The following PACSIN2 variants were observed in gnomAD, a reference collection of about 807,000 sequenced individuals.
The protein encoded by PACSIN2 is protein kinase C and casein kinase substrate in neurons protein 2.
Under a neutral mutation model 63.8 loss-of-function variants are expected in PACSIN2, and 25 were observed. The observed-to-expected ratio is 0.39, with a 90% CI of 0.29 to 0.55. The LOEUF is 0.55. Ranked by LOEUF, PACSIN2 falls within the 20% of genes least tolerant of loss-of-function variation. The pLI is 0.62. For missense variants in PACSIN2, 518 were observed against 646.9 expected (o/e 0.80, Z 2.16); for synonymous variants, 255 against 256.2 (o/e 1.00, Z 0.05).
intron 2 of PACSIN2, among the ~76,000 whole-genome samples, chr22:42,899,246 A>ATAC (rs1930502900): frequency 6.6e-6 from 1 of 152,188 alleles, no homozygotes; most frequent in African/African-American, 2.4e-5. Context: ...ATGAACGCGA[A>ATAC]TACCTTTGTG....
chr22:42,994,567 A>G (rs1354146749), intron 1 of PACSIN2, among the ~76,000 whole-genome samples: 1 of 152,226 alleles, frequency 6.6e-6, no homozygotes, highest in Non-Finnish European at 1.5e-5. Context: ...AGGACACGCC[A>G]GGGAGGCGGC....
At chr22:43,007,443 T>C (rs919187951) in intron 1 of PACSIN2, among the ~76,000 whole-genome samples, 2 of 152,176 alleles carry the variant, frequency 1.3e-5, no homozygotes, top group Non-Finnish European at 2.9e-5. Context: ...CTCAAACTCC[T>C]GGCCTCAAGT....
intron 1 of PACSIN2, among the ~76,000 whole-genome samples, chr22:42,926,107 G>T (rs1223942881): frequency 6.6e-6 from 1 of 152,218 alleles, no homozygotes; most frequent in Non-Finnish European, 1.5e-5. Flanking sequence ...TGTTTCCAGT[G>T]ATTTCATCTG....
At chr22:42,943,325 C>T (rs146069723) in intron 1 of PACSIN2, among the ~76,000 whole-genome samples, 1,672 of 152,126 alleles carry the variant, frequency 0.011, 10 homozygotes, top group Non-Finnish European at 0.016. Flanking sequence ...AAGATCATGC[C>T]ATCTTTGAAC....
chr22:42,894,597 C>T (rs1930148932), intron 2 of PACSIN2, among the ~76,000 whole-genome samples: 1 of 152,162 alleles, frequency 6.6e-6, no homozygotes, highest in Non-Finnish European at 1.5e-5. Flanking sequence ...AAAGCTTTGT[C>T]AGGGCTAAGC....
At chr22:42,996,299 C>T (rs1287299087) in intron 1 of PACSIN2, among the ~76,000 whole-genome samples, 1 of 151,862 alleles carries the variant, frequency 6.6e-6, no homozygotes, top group Non-Finnish European at 1.5e-5. Flanking sequence ...TTTGGGAGGC[C>T]AAGATGGGTG....
intron 1 of PACSIN2, among the ~76,000 whole-genome samples, chr22:43,001,646 T>G (rs978147392): frequency 6.6e-6 from 1 of 152,250 alleles, no homozygotes; most frequent in Admixed American, 6.5e-5. Context: ...TTTCCTCTTA[T>G]GTCTACCTTC....
At chr22:42,926,257 T>G (rs1370551863) in intron 1 of PACSIN2, among the ~76,000 whole-genome samples, 1 of 152,196 alleles carries the variant, frequency 6.6e-6, no homozygotes, top group African/African-American at 2.4e-5. Context: ...GCTTAAAGGC[T>G]GGCCCCTCCC....
intron 3 of PACSIN2, among the ~76,000 whole-genome samples, chr22:42,893,234 G>A (rs575071858): frequency 6.6e-6 from 1 of 152,246 alleles, no homozygotes; most frequent in East Asian, 1.9e-4. Context: ...ATAGTCCTGT[G>A]TCCCCAAGGA....
In PACSIN2 at chr22:42,982,878, A is replaced by AAAAAC. The variant is rs1555943629; in HGVS notation, c.-78+32142_-78+32143insGTTTT. Among the ~76,000 whole-genome samples, 21 of 132,462 alleles carry AAAAAC rather than the reference A, an allele frequency of 1.6e-4. 1 individual carries two copies. The East Asian group carries it at 4.3e-3, about 27-fold the overall frequency. 86.9% of individuals were successfully genotyped at this position (132,462 alleles called of 152,430 possible). On this transcript the variant is annotated intron_variant, in intron 1 of 10. Transcript: ENST00000263246. The stretch of plus-strand genomic sequence containing the variant: ...ACCAAAGAATGATCAATAAAAAAAA[A>AAAAAC]AAAAAAAAAAAACAACAACAAGGCT...
chr22:43,006,769 C>T (rs992690376), intron 1 of PACSIN2, among the ~76,000 whole-genome samples: 7 of 152,084 alleles, frequency 4.6e-5, no homozygotes, highest in East Asian at 3.9e-4. Flanking sequence ...GAGCCGAAAT[C>T]GCACCATTGT....
At chr22:42,962,183 CTT>C (rs3046541) in intron 1 of PACSIN2, among the ~76,000 whole-genome samples, 1 of 147,992 alleles carries the variant, frequency 6.8e-6, no homozygotes, top group Middle Eastern at 3.5e-3. Flanking sequence ...TACCAGAAAA[CTT>C]TTTTTTTTTT....
intron 1 of PACSIN2, among the ~76,000 whole-genome samples, chr22:42,963,849 T>TA (rs1270467633): frequency 6.6e-6 from 1 of 151,436 alleles, no homozygotes; most frequent in Non-Finnish European, 1.5e-5. Context: ...TTCTACAATT[T>TA]TTTTTTCACC....
chr22:42,895,610 T>C (rs1300901317), intron 2 of PACSIN2, among the ~76,000 whole-genome samples: 1 of 152,214 alleles, frequency 6.6e-6, no homozygotes, highest in Non-Finnish European at 1.5e-5. Context: ...GAGCTGCAAA[T>C]ACACATTTAC....
chr22:42,905,103 C>A (rs1930979414), intron 2 of PACSIN2, among the ~76,000 whole-genome samples: 1 of 152,086 alleles, frequency 6.6e-6, no homozygotes, highest in African/African-American at 2.4e-5. Context: ...CAGAAATGCA[C>A]AAAAAAAATT....
chr22:42,924,662 C>A (rs913477566), intron 1 of PACSIN2, among the ~76,000 whole-genome samples: 1 of 152,180 alleles, frequency 6.6e-6, no homozygotes, highest in Non-Finnish European at 1.5e-5. Context: ...GGTCTGGGCA[C>A]TGCCAGGCAC....
At chr22:42,921,308 G>A (rs1012230583) in intron 1 of PACSIN2, among the ~76,000 whole-genome samples, 2 of 151,166 alleles carry the variant, frequency 1.3e-5, no homozygotes, top group Non-Finnish European at 2.9e-5. Flanking sequence ...GCAGTGAGCC[G>A]AGATTGTGTC....
chr22:42,967,685 A>G (rs764981997), intron 1 of PACSIN2, among the ~76,000 whole-genome samples: 2 of 152,074 alleles, frequency 1.3e-5, no homozygotes, highest in Admixed American at 6.5e-5. Flanking sequence ...TCAGGAGATC[A>G]AGACCATCCT....
At chr22:42,883,394 G>A (rs769284081) in intron 6 of PACSIN2, among the ~76,000 whole-genome samples, 38 of 152,318 alleles carry the variant, frequency 2.5e-4, no homozygotes, top group Non-Finnish European at 2.6e-4. Context: ...CAAACGGAAT[G>A]TGTCTCCTAT....
Sources: gnomAD v4.1 joint callset for allele counts (sites outside exome capture counted in the v4.1 genomes callset) on GRCh38, gnomAD v4.1.1 for gene constraint, MANE v1.5 for transcripts, NCBI Gene and HGNC (gene_info 2026-07-23, HGNC 2026-07-21) for gene names.